GPHN: variants seen among roughly 807,000 people sequenced by gnomAD.
The protein encoded by GPHN is gephyrin.
GPHN carries 17 observed loss-of-function variants against 95.5 expected under a neutral mutation model. The ratio of observed to expected loss-of-function variants is 0.18; its 90% confidence interval spans 0.12 to 0.27. The LOEUF is 0.27. Ranked by LOEUF, GPHN falls within the 10% of genes least tolerant of loss-of-function variation. GPHN has a pLI of 1.00. For missense variants in GPHN, 660 were observed against 978.1 expected (o/e 0.67, Z 4.34); for synonymous variants, 320 against 322.5 (o/e 0.99, Z 0.08).
the GPHN span, among the ~76,000 whole-genome samples, chr14:67,497,839 T>C: frequency 6.6e-6 from 1 of 152,092 alleles, no homozygotes; most frequent in East Asian, 1.9e-4. Context: ...GGTGTTTGTG[T>C]ATGTTACATT....
At chr14:67,057,379 A>T (rs2075630011) in intron 10 of GPHN, among the ~76,000 whole-genome samples, 1 of 145,010 alleles carries the variant, frequency 6.9e-6, no homozygotes, top group South Asian at 2.3e-4. Flanking sequence ...TTAAAGTGGG[A>T]GTTGAACAAC....
chr14:67,078,004 G>A (rs1291429173), intron 11 of GPHN, among the ~76,000 whole-genome samples: 2 of 152,022 alleles, frequency 1.3e-5, no homozygotes, highest in African/African-American at 4.8e-5. Context: ...GTGTGTTTAT[G>A]GTCTTCATCT....
intron 8 of GPHN, among the ~76,000 whole-genome samples, chr14:66,932,308 G>A (rs998652608): frequency 7.2e-5 from 11 of 152,024 alleles, no homozygotes; most frequent in African/African-American, 2.7e-4. Flanking sequence ...CTGGTACTGT[G>A]TTGGGTCACT....
chr14:66,919,374 A>G (rs1341812676), intron 6 of GPHN, among the ~76,000 whole-genome samples: 1 of 152,246 alleles, frequency 6.6e-6, no homozygotes, highest in African/African-American at 2.4e-5. Context: ...TAAAAAAATG[A>G]TTAGAAGATG....
the GPHN span, among the ~76,000 whole-genome samples, chr14:67,710,672 T>G: frequency 6.6e-6 from 1 of 152,100 alleles, no homozygotes; most frequent in African/African-American, 2.4e-5. Context: ...ATACATGATC[T>G]TTAAATAAGC....
chr14:67,283,668 G>C, the GPHN span, among the ~76,000 whole-genome samples: 3 of 152,002 alleles, frequency 2.0e-5, no homozygotes, highest in Non-Finnish European at 2.9e-5. Context: ...TTGAAGTGTT[G>C]GGATCATTTG....
chr14:66,708,384 T>C (rs549715905), intron 2 of GPHN, among the ~76,000 whole-genome samples: 13 of 152,088 alleles, frequency 8.5e-5, no homozygotes, highest in Non-Finnish European at 1.8e-4. Context: ...TTGGAAATAT[T>C]TGGAGACAGT....
intron 11 of GPHN, among the ~76,000 whole-genome samples, chr14:67,078,235 C>T (rs142672760): frequency 4.6e-5 from 7 of 152,162 alleles, no homozygotes; most frequent in African/African-American, 1.2e-4. Context: ...TTATATTAAT[C>T]GCCTATTGGG....
At chr14:66,989,766 A>G (rs8016084) in intron 9 of GPHN, among the ~76,000 whole-genome samples, 2 of 151,974 alleles carry the variant, frequency 1.3e-5, no homozygotes, top group Admixed American at 1.3e-4. Flanking sequence ...TTCTCTCCTT[A>G]CCCTTTAATT....
At chr14:67,395,352 C>T in the GPHN span, 231 of 1,560,270 alleles carry the variant, frequency 1.5e-4, no homozygotes, top group Non-Finnish European at 2.0e-4. Flanking sequence ...CCTGCCCACC[C>T]AACACAGGCA....
chr14:67,685,505 T>C, the GPHN span, among the ~76,000 whole-genome samples: 1 of 152,150 alleles, frequency 6.6e-6, no homozygotes, highest in Non-Finnish European at 1.5e-5. Flanking sequence ...CCTTCTTTTT[T>C]AGAGATGGGG....
chr14:66,558,320 T>A (rs1392631828), intron 1 of GPHN, among the ~76,000 whole-genome samples: 4 of 152,146 alleles, frequency 2.6e-5, no homozygotes, highest in Admixed American at 6.6e-5. Context: ...TTATAACTGA[T>A]ATTTTGTACA....
At chr14:67,578,108 G>T in the GPHN span, 1 of 1,613,838 alleles carries the variant, frequency 6.2e-7, no homozygotes, top group Non-Finnish European at 8.5e-7. The surrounding 1 kb of genome is among the most constrained non-coding windows in gnomAD (Gnocchi z 5.0). Context: ...CTGCAGGTCT[G>T]CCTGGTTCAC....
rs56264248 is a variant in GPHN, at chr14:67,179,564, A to T, written c.2080-14A>T. 0.072 allele frequency: 107,332 copies of T among 1,484,538 alleles called. 4,287 individuals carry two copies. The highest frequency in any genetic ancestry group is 0.091 in the Middle Eastern group (527 of 5,806). 92.0% of individuals were successfully genotyped at this position (1,484,538 alleles called of 1,614,324 possible). A position where few individuals can be genotyped will look rare whatever the true frequency, so the allele number is the denominator to read the frequency against. ...GGTGACCAAGTTTGTTTTCTTTTCT[A>T]CTTTATTCTGTAGTTATCATGTGAT... On this transcript the variant is annotated splice_polypyrimidine_tract_variant and intron_variant, in intron 21 of 22. Coordinates refer to ENST00000478722, the MANE Select transcript of GPHN (RefSeq NM_020806.5).
chr14:67,081,263 C>G (rs926946798), intron 11 of GPHN, among the ~76,000 whole-genome samples: 1 of 152,132 alleles, frequency 6.6e-6, no homozygotes, highest in African/African-American at 2.4e-5. Flanking sequence ...CACATCCCCA[C>G]CAACATCTAT....
intron 1 of GPHN, among the ~76,000 whole-genome samples, chr14:66,566,200 C>T (rs2060456028): frequency 6.6e-6 from 1 of 151,878 alleles, no homozygotes; most frequent in Admixed American, 6.6e-5. Context: ...CCTTGGAGAA[C>T]CTTAAACTTA....
the GPHN span, among the ~76,000 whole-genome samples, chr14:67,310,185 C>G: frequency 2.0e-5 from 3 of 151,978 alleles, no homozygotes; most frequent in African/African-American, 7.3e-5. Flanking sequence ...TGATTCACTG[C>G]TATCCCACAC....
At chr14:67,070,425 C>T (rs1220243387) in intron 11 of GPHN, among the ~76,000 whole-genome samples, 6 of 149,334 alleles carry the variant, frequency 4.0e-5, no homozygotes, top group African/African-American at 7.3e-5. Flanking sequence ...CGGCCGGGCG[C>T]GGTGGCTCAC....
At chr14:67,379,684 T>G in the GPHN span, among the ~76,000 whole-genome samples, 1 of 120,822 alleles carries the variant, frequency 8.3e-6, no homozygotes, top group African/African-American at 3.9e-5. Context: ...AGACGGAGTC[T>G]CGCTCTGTCG....
Sources: allele counts gnomAD v4.1 joint callset (sites outside exome capture counted in the v4.1 genomes callset), GRCh38; gene constraint gnomAD v4.1.1; non-coding constraint Gnocchi (gnomAD v3.1); transcripts MANE v1.5; gene names NCBI Gene and HGNC (gene_info 2026-07-23, HGNC 2026-07-21).